Variants in KCNQ3 observed in about 807,000 individuals in gnomAD.
KCNQ3 encodes potassium voltage-gated channel subfamily KQT member 3.
Under a neutral mutation model 92.5 loss-of-function variants are expected in KCNQ3, and 30 were observed. The ratio of observed to expected loss-of-function variants is 0.32; its 90% CI spans 0.24 to 0.44. The LOEUF (loss-of-function observed/expected upper bound fraction) is 0.44, where lower values mean the gene tolerates loss of function less well. Ranked by LOEUF, KCNQ3 falls within the 20% of genes least tolerant of loss-of-function variation. The pLI is 1.00. For synonymous variants in KCNQ3, 450 were observed against 468.8 expected (o/e 0.96, Z 0.52); for missense variants, 913 against 1,140.3 (o/e 0.80, Z 2.87).
chr8:132,421,308 G>C (rs1418112391), intron 1 of KCNQ3, among the ~76,000 whole-genome samples: 1 of 152,152 alleles, frequency 6.6e-6, no homozygotes, highest in Non-Finnish European at 1.5e-5. Flanking sequence ...AAAACGTCTA[G>C]GAAAATGAAA....
intron 9 of KCNQ3, among the ~76,000 whole-genome samples, chr8:132,161,814 C>A (rs1826000227): frequency 6.6e-6 from 1 of 152,200 alleles, no homozygotes. Context: ...TCACTTGGTT[C>A]CCCGCCTCCT....
rs145489314 is a variant in KCNQ3, at chr8:132,227,811, T to C, written c.387-41630A>G. 6.6e-5 allele frequency among the ~76,000 whole-genome samples: 10 copies of C among 152,276 alleles called. No individual in the cohort carries two copies. The East Asian group carries it at 1.9e-3, about 29-fold the overall frequency. ...ATATGAATGCAGAGAAGGAACCAAATGGCAATTAGAACCACGATCAATGGG... is the reference window on the plus strand; with the variant it reads ...ATATGAATGCAGAGAAGGAACCAAACGGCAATTAGAACCACGATCAATGGG... On this transcript the variant is annotated intron_variant, in intron 1 of 14. Transcript: ENST00000388996.
intron 1 of KCNQ3, among the ~76,000 whole-genome samples, chr8:132,317,134 T>G (rs1817766988): frequency 6.6e-6 from 1 of 152,202 alleles, no homozygotes; most frequent in East Asian, 1.9e-4. Flanking sequence ...TGATATGAAA[T>G]GGTTTATGTG....
intron 3 of KCNQ3, among the ~76,000 whole-genome samples, chr8:132,181,278 A>AC (rs1192064618): frequency 6.6e-6 from 1 of 151,976 alleles, no homozygotes; most frequent in African/African-American, 2.4e-5. Context: ...GTCAATTATC[A>AC]CCCCACTTTC....
At chr8:132,378,478 C>T (rs1244484186) in intron 1 of KCNQ3, among the ~76,000 whole-genome samples, 2 of 152,114 alleles carry the variant, frequency 1.3e-5, no homozygotes, top group Non-Finnish European at 2.9e-5. Context: ...AATCATATTG[C>T]TATAGCAATT....
intron 1 of KCNQ3, chr8:132,278,143 A>AT: frequency 1.0e-6 from 1 of 985,350 alleles, no homozygotes; most frequent in Non-Finnish European, 1.2e-6. Flanking sequence ...GAGAATCCCC[A>AT]TTTTGTACTC....
intron 1 of KCNQ3, among the ~76,000 whole-genome samples, chr8:132,297,400 A>T (rs1012118554): frequency 5.3e-5 from 8 of 152,010 alleles, no homozygotes; most frequent in Admixed American, 5.2e-4. Flanking sequence ...GTTTAATTAG[A>T]TCCCATTTGT....
intron 1 of KCNQ3, among the ~76,000 whole-genome samples, chr8:132,238,519 G>C (rs773394165): frequency 2.0e-5 from 3 of 152,106 alleles, no homozygotes; most frequent in Non-Finnish European, 4.4e-5. Context: ...TTTGACTGTA[G>C]ATCCGCTTTT....
chr8:132,312,516 G>A (rs1419561149), intron 1 of KCNQ3, among the ~76,000 whole-genome samples: 1 of 152,114 alleles, frequency 6.6e-6, no homozygotes, highest in African/African-American at 2.4e-5. Context: ...GGTCTTTCAT[G>A]TGCTCCACCA....
intron 1 of KCNQ3, among the ~76,000 whole-genome samples, chr8:132,474,658 T>C (rs1421033304): frequency 6.6e-6 from 1 of 152,158 alleles, no homozygotes; most frequent in Non-Finnish European, 1.5e-5. Flanking sequence ...CATGCATCCA[T>C]TCAGCAAATG....
chr8:132,373,031 C>T (rs1000173713), intron 1 of KCNQ3, among the ~76,000 whole-genome samples: 10 of 152,166 alleles, frequency 6.6e-5, no homozygotes, highest in African/African-American at 2.4e-4. Context: ...TTGCCATGGC[C>T]TCAGTCCCTG....
intron 1 of KCNQ3, among the ~76,000 whole-genome samples, chr8:132,300,073 A>T (rs1301491734): frequency 1.3e-5 from 2 of 152,198 alleles, no homozygotes; most frequent in African/African-American, 2.4e-5. Flanking sequence ...GGTCTCATTC[A>T]TCTTTGTCTC....
chr8:132,158,428 A>G (rs529656492), intron 9 of KCNQ3, among the ~76,000 whole-genome samples: 3 of 152,288 alleles, frequency 2.0e-5, no homozygotes, highest in Admixed American at 2.0e-4. Context: ...CACACCACAG[A>G]TGACCCTGGC....
In KCNQ3 at chr8:132,121,721, C is replaced by G. The variant is rs1283304136; in HGVS notation, c.*7541G>C. The stretch of plus-strand genomic sequence containing the variant: ...ATTTCAGAGCTCAGAAATAAAGGTA[C>G]AGTCTAGAGACAAAAGACCAGAGTC... On this transcript the variant is annotated 3_prime_UTR_variant, in exon 15 of 15. Transcript: ENST00000388996. 6.6e-6 allele frequency: 1 copy of G among 152,156 alleles called. No homozygotes were observed. Among genetic ancestry groups the G allele is most frequent in the East Asian group, 1.9e-4 (1 of 5,198 alleles). 9.4% of individuals were successfully genotyped at this position (152,156 alleles called of 1,614,324 possible).
intron 1 of KCNQ3, among the ~76,000 whole-genome samples, chr8:132,243,663 A>G (rs1051269358): frequency 2.6e-5 from 4 of 152,198 alleles, no homozygotes; most frequent in Non-Finnish European, 4.4e-5. Context: ...CTGATTCCCA[A>G]CTTAACAGCT....
intron 8 of KCNQ3, among the ~76,000 whole-genome samples, chr8:132,169,990 A>G (rs945309534): frequency 1.1e-4 from 17 of 152,216 alleles, no homozygotes; most frequent in African/African-American, 3.9e-4. Flanking sequence ...CTCCTGCCTC[A>G]GCCTCCTGAG....
At chr8:132,288,350 T>A (rs899312529) in intron 1 of KCNQ3, among the ~76,000 whole-genome samples, 1 of 152,248 alleles carries the variant, frequency 6.6e-6, no homozygotes, top group Non-Finnish European at 1.5e-5. Context: ...TACAGGACAC[T>A]ATGAGGCATC....
intron 1 of KCNQ3, among the ~76,000 whole-genome samples, chr8:132,428,679 T>C (rs1197019539): frequency 6.6e-6 from 1 of 152,236 alleles, no homozygotes; most frequent in Non-Finnish European, 1.5e-5. Context: ...TCTGTTAAAC[T>C]GTATACGTAC....
intron 6 of KCNQ3, among the ~76,000 whole-genome samples, chr8:132,173,781 A>G (rs1402293511): frequency 6.6e-6 from 1 of 152,158 alleles, no homozygotes; most frequent in Non-Finnish European, 1.5e-5. Flanking sequence ...AGAGACATGT[A>G]TTTTTTACAT....
Sources: gnomAD v4.1 joint callset for allele counts (sites outside exome capture counted in the v4.1 genomes callset) on GRCh38, gnomAD v4.1.1 for gene constraint, MANE v1.5 for transcripts, NCBI Gene and HGNC (gene_info 2026-07-23, HGNC 2026-07-21) for gene names.